The following TRIO variants were observed in gnomAD, a reference collection of about 807,000 sequenced individuals.
The protein encoded by TRIO is trio Rho guanine nucleotide exchange factor, also known as triple functional domain protein.
In TRIO, 58 loss-of-function variants were observed where a neutral mutation model predicts 351.9. The observed-to-expected ratio is 0.16, with a 90% CI of 0.13 to 0.21. The LOEUF is 0.21. TRIO is among the 10% of genes least tolerant of loss of function. The probability of loss-of-function intolerance (pLI) is 1.00; values close to 1 mark genes in which losing one functional copy is unlikely to be tolerated. For synonymous variants in TRIO, 1,758 were observed against 1,595.7 expected (o/e 1.10, Z -2.42); for missense variants, 3,201 against 4,027.8 (o/e 0.79, Z 5.56).
chr5:14,328,382 A>G (rs1740595711), intron 9 of TRIO, among the ~76,000 whole-genome samples: 1 of 152,258 alleles, frequency 6.6e-6, no homozygotes, highest in African/African-American at 2.4e-5. Context: ...AGTAATGTGC[A>G]CTCAATGCAC....
intron 29 of TRIO, among the ~76,000 whole-genome samples, chr5:14,397,500 G>A (rs942848816): frequency 6.6e-6 from 1 of 152,188 alleles, no homozygotes; most frequent in African/African-American, 2.4e-5. Context: ...ATCCTTAAAA[G>A]AATGTGTTGC....
chr5:14,195,561 T>C (rs1790721958), intron 1 of TRIO, among the ~76,000 whole-genome samples: 1 of 152,252 alleles, frequency 6.6e-6, no homozygotes. Flanking sequence ...ATCACACTTT[T>C]ACCCATTAAT....
At chr5:14,308,304 C>T (rs1003548014) in intron 8 of TRIO, among the ~76,000 whole-genome samples, 4 of 139,252 alleles carry the variant, frequency 2.9e-5, no homozygotes, top group African/African-American at 1.2e-4. Context: ...ACCCATCCAT[C>T]TACCCAATCA....
intron 18 of TRIO, among the ~76,000 whole-genome samples, chr5:14,371,055 C>T (rs1745061917): frequency 6.6e-6 from 1 of 152,334 alleles, no homozygotes; most frequent in South Asian, 2.1e-4. Context: ...TTTTCACTTT[C>T]AGTGCAGCAT....
In TRIO at chr5:14,405,962, G is replaced by A. The variant is rs771279874; in HGVS notation, c.4831G>A (p.Ala1611Thr). ...GGAGCCCATTCACATCCCTAAGACC[G>A]CTCCCGCCACAAGACAGAAGGGAAG... ...LKEPIHIPKT[A>T]PATRQKGRRD... The change falls in exon 32 of 57, where the codon GCT becomes ACT. Residue 1611 changes from alanine to threonine, a missense_variant. By Grantham distance (58) the Ala-to-Thr change is moderately conservative (BLOSUM62 0). Transcript: ENST00000344204. The A allele has an allele frequency of 8.1e-6, 13 of 1,604,340 alleles. No homozygotes were observed. The highest frequency in any genetic ancestry group is 2.7e-5 in the African/African-American group (2 of 74,780).
intron 19 of TRIO, 136 bp downstream of exon 19, chr5:14,374,479 C>T (rs1745389486): frequency 3.8e-6 from 2 of 526,810 alleles, no homozygotes; most frequent in Non-Finnish European, 6.6e-6. Flanking sequence ...GAAGTCCTTA[C>T]TAATGATCTT....
chr5:14,466,898 A>G (rs1251942511), intron 37 of TRIO, among the ~76,000 whole-genome samples: 2 of 152,198 alleles, frequency 1.3e-5, no homozygotes, highest in Non-Finnish European at 2.9e-5. Context: ...ATTCCTCTAC[A>G]TGGATTCTGT....
intron 1 of TRIO, among the ~76,000 whole-genome samples, chr5:14,144,651 A>G (rs1787386941): frequency 6.6e-6 from 1 of 151,812 alleles, no homozygotes; most frequent in African/African-American, 2.4e-5. Context: ...AGGCGGTGCC[A>G]GGTGGCCCCG....
intron 1 of TRIO, among the ~76,000 whole-genome samples, chr5:14,166,991 G>A (rs1222603169): frequency 3.9e-5 from 6 of 151,970 alleles, no homozygotes; most frequent in Non-Finnish European, 7.4e-5. Context: ...GTCCTCAAGC[G>A]CCCATTCTTG....
chr5:14,403,071 TGTG>T lies in TRIO; in HGVS notation c.4716+2011_4716+2013del, dbSNP rs568985942. On this transcript the variant is annotated intron_variant, in intron 31 of 56. Coordinates refer to ENST00000344204, the MANE Select transcript of TRIO (RefSeq NM_007118.4). Reference sequence around the variant, plus strand: ...TGTGGTGGGTTGTGAGGGTGCAGGTTGTGGTGAGGGTACAGGTTGTGGTGGTGA... The same window carrying T: ...TGTGGTGGGTTGTGAGGGTGCAGGTTGTGAGGGTACAGGTTGTGGTGGTGA... Among the ~76,000 whole-genome samples, 664 of 111,866 alleles carry T rather than the reference TGTG, an allele frequency of 5.9e-3. 2 individuals carry two copies. The highest frequency in any genetic ancestry group is 8.9e-3 in the Admixed American group (95 of 10,628). 73.4% of individuals were successfully genotyped at this position (111,866 alleles called of 152,430 possible). A position where few individuals can be genotyped will look rare whatever the true frequency, so the allele number is the denominator to read the frequency against.
At chr5:14,256,546 T>C (rs1007723623) in intron 1 of TRIO, among the ~76,000 whole-genome samples, 2 of 152,220 alleles carry the variant, frequency 1.3e-5, no homozygotes, top group African/African-American at 2.4e-5. Flanking sequence ...TTCAAACATA[T>C]GTAATAAATA....
At chr5:14,334,412 C>T (rs79069111) in intron 10 of TRIO, among the ~76,000 whole-genome samples, 1,684 of 152,282 alleles carry the variant, frequency 0.011, 16 homozygotes, top group Non-Finnish European at 0.017. Flanking sequence ...TGTTTCACGT[C>T]TCAGATCATT....
At chr5:14,311,442 C>T (rs1738924176) in intron 8 of TRIO, among the ~76,000 whole-genome samples, 1 of 152,168 alleles carries the variant, frequency 6.6e-6, no homozygotes, top group Admixed American at 6.5e-5. Context: ...TCTGTGTTCT[C>T]CCTGAAGCAT....
chr5:14,426,872 G>T (rs912726500), intron 34 of TRIO, among the ~76,000 whole-genome samples: 1 of 151,972 alleles, frequency 6.6e-6, no homozygotes, highest in Admixed American at 6.5e-5. Context: ...GGTTTTTTTT[G>T]TTTGTTTCGT....
chr5:14,397,741 C>T (rs1298117413), intron 29 of TRIO, among the ~76,000 whole-genome samples: 2 of 152,216 alleles, frequency 1.3e-5, no homozygotes, highest in Admixed American at 6.5e-5. Flanking sequence ...AATGCTTTTG[C>T]TAGCCTGTGT....
intron 34 of TRIO, among the ~76,000 whole-genome samples, chr5:14,439,838 G>GT: frequency 6.6e-6 from 1 of 152,198 alleles, no homozygotes; most frequent in Non-Finnish European, 1.5e-5. Context: ...CTCTGCAGCA[G>GT]TTGGTGAGAG....
intron 53 of TRIO, among the ~76,000 whole-genome samples, chr5:14,501,718 G>A (rs1757311477): frequency 6.6e-6 from 1 of 152,252 alleles, no homozygotes; most frequent in South Asian, 2.1e-4. Flanking sequence ...CCCACGTGAA[G>A]ATAGGGATGG....
intron 6 of TRIO, among the ~76,000 whole-genome samples, chr5:14,294,785 A>G (rs1156462904): frequency 6.6e-6 from 1 of 152,204 alleles, no homozygotes; most frequent in African/African-American, 2.4e-5. Flanking sequence ...TTACATGTAT[A>G]TGTAAAATGC....
chr5:14,405,816 C>G (rs146298776), intron 31 of TRIO, 32 bp from the exon 32 acceptor site: 55 of 1,604,110 alleles, frequency 3.4e-5, no homozygotes, highest in Middle Eastern at 1.7e-4. Context: ...AGGGCCGTTC[C>G]GTATCCTAAG....
Sources: allele counts gnomAD v4.1 joint callset (sites outside exome capture counted in the v4.1 genomes callset), GRCh38; gene constraint gnomAD v4.1.1; transcripts MANE v1.5; gene names NCBI Gene and HGNC (gene_info 2026-07-23, HGNC 2026-07-21).